Variants in PDE3B observed in about 807,000 individuals in gnomAD.
PDE3B encodes phosphodiesterase 3B.
In PDE3B, 66 loss-of-function variants were observed where a neutral mutation model predicts 116.8. That is an observed-to-expected ratio of 0.56 (90% CI 0.46 to 0.69). The LOEUF (loss-of-function observed/expected upper bound fraction) is 0.69, where lower values mean the gene tolerates loss of function less well. Ranked by LOEUF, PDE3B falls within the 30% of genes least tolerant of loss-of-function variation. The pLI is 0.00. For synonymous variants in PDE3B, 595 were observed against 533.6 expected (o/e 1.12, Z -1.59); for missense variants, 1,384 against 1,368.1 (o/e 1.01, Z -0.18).
At chr11:14,790,211 T>C (rs1423178280) in intron 4 of PDE3B, among the ~76,000 whole-genome samples, 1 of 152,002 alleles carries the variant, frequency 6.6e-6, no homozygotes, top group African/African-American at 2.4e-5. Flanking sequence ...GAACTCCTTT[T>C]TTGTAAAAGA....
chr11:14,811,117 T>G (rs1337704798), intron 5 of PDE3B, among the ~76,000 whole-genome samples: 8 of 152,174 alleles, frequency 5.3e-5, no homozygotes, highest in African/African-American at 1.7e-4. Flanking sequence ...ATTTTGTAGG[T>G]TGCCTGTTCA....
At chr11:14,695,628 A>G (rs1177149864) in intron 1 of PDE3B, among the ~76,000 whole-genome samples, 1 of 152,042 alleles carries the variant, frequency 6.6e-6, no homozygotes, top group Non-Finnish European at 1.5e-5. Context: ...CTAGGTATTA[A>G]GCCCAGCATG....
chr11:14,820,422 A>G (rs538733749), intron 7 of PDE3B, among the ~76,000 whole-genome samples: 144 of 152,310 alleles, frequency 9.5e-4, no homozygotes, highest in African/African-American at 3.2e-3. Context: ...TATAGAGACA[A>G]TAATCAGAAC....
chr11:14,681,946 A>C (rs189838062), intron 1 of PDE3B, among the ~76,000 whole-genome samples: 2 of 152,316 alleles, frequency 1.3e-5, no homozygotes, highest in Non-Finnish European at 1.5e-5. Context: ...CCTGCTGTTG[A>C]CTGGAAGCCT....
chr11:14,880,187 TG>T, the PDE3B span: 1 of 1,612,972 alleles, frequency 6.2e-7, no homozygotes, highest in Non-Finnish European at 8.5e-7. Context: ...CGTAGCACAT[TG>T]GTTGTAGTTT....
chr11:14,812,836 A>T (rs953462197), intron 5 of PDE3B, among the ~76,000 whole-genome samples: 10 of 152,088 alleles, frequency 6.6e-5, no homozygotes, highest in Admixed American at 2.0e-4. Context: ...CTCCTCACTT[A>T]CACCCCAATT....
At chr11:14,889,819 T>C in the PDE3B span, among the ~76,000 whole-genome samples, 5 of 152,152 alleles carry the variant, frequency 3.3e-5, no homozygotes, top group African/African-American at 1.2e-4. Flanking sequence ...CGAACAAATG[T>C]GTTCTGTGTA....
chr11:14,752,698 T>G (rs957906637), intron 1 of PDE3B, among the ~76,000 whole-genome samples: 2 of 152,244 alleles, frequency 1.3e-5, no homozygotes, highest in Middle Eastern at 3.4e-3. Context: ...TGAGCTGACA[T>G]GGTCACTCCT....
intron 1 of PDE3B, among the ~76,000 whole-genome samples, chr11:14,660,644 C>T (rs1014990753): frequency 1.3e-5 from 2 of 151,984 alleles, no homozygotes; most frequent in African/African-American, 2.4e-5. Context: ...TTATATTATT[C>T]TTTCTAATAT....
chr11:14,839,804 G>C (rs1860165835), intron 11 of PDE3B, among the ~76,000 whole-genome samples: 1 of 152,154 alleles, frequency 6.6e-6, no homozygotes, highest in African/African-American at 2.4e-5. Flanking sequence ...TAGCTCCATT[G>C]AGCAAGAAGT....
At chr11:14,812,034 A>T (rs1047803398) in intron 5 of PDE3B, among the ~76,000 whole-genome samples, 19 of 151,970 alleles carry the variant, frequency 1.3e-4, no homozygotes, top group African/African-American at 4.4e-4. Flanking sequence ...GCTTAAGGAG[A>T]TTTTGGGCTT....
intron 1 of PDE3B, among the ~76,000 whole-genome samples, chr11:14,671,730 T>C (rs1381526417): frequency 2.0e-5 from 3 of 151,998 alleles, no homozygotes; most frequent in Admixed American, 2.0e-4. Context: ...GAATGTCCTT[T>C]AAAAAATATT....
At chr11:14,846,716 A>G (rs1452024103) in intron 12 of PDE3B, among the ~76,000 whole-genome samples, 3 of 152,158 alleles carry the variant, frequency 2.0e-5, no homozygotes, top group Admixed American at 6.5e-5. Context: ...CAGACTTTAA[A>G]CCAACAAAGA....
At chr11:14,722,400 A>C (rs948441672) in intron 1 of PDE3B, among the ~76,000 whole-genome samples, 2 of 152,202 alleles carry the variant, frequency 1.3e-5, no homozygotes, top group Non-Finnish European at 2.9e-5. Flanking sequence ...TAGAGTAAAA[A>C]AAATAAATCC....
At chr11:14,848,625 A>G (rs1847667856) in intron 12 of PDE3B, among the ~76,000 whole-genome samples, 1 of 152,220 alleles carries the variant, frequency 6.6e-6, no homozygotes, top group Non-Finnish European at 1.5e-5. Context: ...TAAGCTGATA[A>G]GCAACTTCAG....
chr11:14,704,308 T>C (rs1855466122), intron 1 of PDE3B, among the ~76,000 whole-genome samples: 1 of 151,820 alleles, frequency 6.6e-6, no homozygotes, highest in South Asian at 2.1e-4. Context: ...TTTCTTTCAG[T>C]GTGCTCAAAT....
intron 1 of PDE3B, among the ~76,000 whole-genome samples, chr11:14,744,410 A>G (rs559426914): frequency 8.5e-5 from 13 of 152,342 alleles, no homozygotes; most frequent in African/African-American, 3.1e-4. Flanking sequence ...ATTGTCTTCC[A>G]AGTCCATGAA....
chr11:14,879,473 T>C, the PDE3B span: 3 of 1,543,124 alleles, frequency 1.9e-6, no homozygotes, highest in Non-Finnish European at 2.6e-6. Context: ...CAAGTTATTA[T>C]GCAGTTCTTA....
At chr11:14,788,453 TG>T (rs1858281345) in intron 3 of PDE3B, among the ~76,000 whole-genome samples, 1 of 152,018 alleles carries the variant, frequency 6.6e-6, no homozygotes, top group African/African-American at 2.4e-5. Flanking sequence ...TACTTATCTC[TG>T]AGATTGCTGC....
Sources: allele counts gnomAD v4.1 joint callset (sites outside exome capture counted in the v4.1 genomes callset), GRCh38; gene constraint gnomAD v4.1.1; transcripts MANE v1.5; gene names NCBI Gene and HGNC (gene_info 2026-07-23, HGNC 2026-07-21).